The following DAB1 variants were observed in gnomAD, a reference collection of about 807,000 sequenced individuals.
DAB1 encodes the protein DAB adaptor protein 1.
Under a neutral mutation model 64.6 loss-of-function variants are expected in DAB1, and 15 were observed. The observed-to-expected ratio is 0.23, with a 90% confidence interval of 0.16 to 0.36. The LOEUF (loss-of-function observed/expected upper bound fraction) is 0.36, where lower values mean the gene tolerates loss of function less well. Among genes scored for constraint, DAB1 ranks in the 10% least tolerant of loss-of-function variants. DAB1 has a pLI of 1.00. For missense variants in DAB1, 596 were observed against 706.7 expected (o/e 0.84, Z 1.78); for synonymous variants, 235 against 251.9 (o/e 0.93, Z 0.64).
At chr1:58,470,084 G>A (rs186072393) in intron 3 of DAB1, among the ~76,000 whole-genome samples, 8 of 151,396 alleles carry the variant, frequency 5.3e-5, no homozygotes, top group Non-Finnish European at 1.0e-4. Context: ...TTTGAGGTTG[G>A]CAGCTACAAA....
In DAB1 at chr1:57,288,361, T is replaced by C. The variant is rs556980397; in HGVS notation, c.67+2603A>G. On this transcript the variant is annotated intron_variant, in intron 2 of 14. Transcript: ENST00000371236. ...AAGGAGATGTGGTGTGTTATGCATA[T>C]CTGTGTTTCACCAAAATCTATATGT... Among the ~76,000 whole-genome samples, 7 of 152,214 alleles carry C rather than the reference T, an allele frequency of 4.6e-5. No homozygotes were observed. The East Asian group carries it at 1.2e-3, about 25-fold the overall frequency.
chr1:57,576,867 T>C (rs1385755599), intron 7 of DAB1, among the ~76,000 whole-genome samples: 1 of 152,210 alleles, frequency 6.6e-6, no homozygotes, highest in Non-Finnish European at 1.5e-5. Context: ...GAGCAATATA[T>C]GCCCTCGGCC....
At chr1:57,173,620 A>T (rs1019698262) in intron 2 of DAB1, among the ~76,000 whole-genome samples, 2 of 152,218 alleles carry the variant, frequency 1.3e-5, no homozygotes, top group Non-Finnish European at 2.9e-5. Context: ...AGCTAGCACT[A>T]GAGAGCTTTC....
At chr1:57,428,572 C>A (rs1685376042), upstream of DAB1, among the ~76,000 whole-genome samples, 2 of 152,116 alleles carry the variant, frequency 1.3e-5, no homozygotes, top group South Asian at 4.1e-4. Flanking sequence ...TGTTGACAGT[C>A]ATTAGGGCGG....
At chr1:57,489,463 C>T (rs982547647) in intron 7 of DAB1, among the ~76,000 whole-genome samples, 2 of 152,186 alleles carry the variant, frequency 1.3e-5, no homozygotes, top group Non-Finnish European at 2.9e-5. Flanking sequence ...GTCTTTAAAA[C>T]TGTCTTCAAA....
intron 6 of DAB1, among the ~76,000 whole-genome samples, chr1:57,751,432 A>AG (rs1297140269): frequency 1.3e-5 from 2 of 151,916 alleles, no homozygotes; most frequent in Non-Finnish European, 2.9e-5. Context: ...CAGCAACTGG[A>AG]GGGGGATGCT....
At chr1:58,471,264 A>C (rs969191609) in intron 3 of DAB1, among the ~76,000 whole-genome samples, 4 of 152,184 alleles carry the variant, frequency 2.6e-5, no homozygotes, top group African/African-American at 9.7e-5. Context: ...GGCAGGGATA[A>C]AAGACATAGG....
At chr1:57,442,513 T>C (rs751891750) in intron 7 of DAB1, among the ~76,000 whole-genome samples, 13 of 152,212 alleles carry the variant, frequency 8.5e-5, no homozygotes, top group Non-Finnish European at 1.2e-4. Flanking sequence ...TGGTACTTAT[T>C]GTATTTGAGT....
At position 57,010,625 on chromosome 1, in the gene DAB1, A is replaced by G. The variant is rs192923126; in HGVS notation, c.*15+55T>C. On this transcript the variant is annotated intron_variant, in intron 14 of 14. Transcript: ENST00000371236. ...GTGGCTTCAGAAGTGAAGAACAACCAAAAGGGAAAGCAGATAGCTTAAGGG... is the reference window on the plus strand; with the variant it reads ...GTGGCTTCAGAAGTGAAGAACAACCGAAAGGGAAAGCAGATAGCTTAAGGG... 700 of 996,140 alleles carry G rather than the reference A, an allele frequency of 7.0e-4. 4 individuals are homozygous for G. The Admixed American group carries it at 0.012, about 17-fold the overall frequency. 61.7% of individuals were successfully genotyped at this position (996,140 alleles called of 1,614,324 possible).
intron 7 of DAB1, among the ~76,000 whole-genome samples, chr1:57,582,286 C>A (rs1247126300): frequency 6.6e-6 from 1 of 152,166 alleles, no homozygotes; most frequent in Non-Finnish European, 1.5e-5. Flanking sequence ...CAAGGCACAT[C>A]TTACAGAGTG....
chr1:57,931,108 C>A (rs979948075), intron 5 of DAB1, among the ~76,000 whole-genome samples: 1 of 152,068 alleles, frequency 6.6e-6, no homozygotes, highest in Non-Finnish European at 1.5e-5. Flanking sequence ...ATTAATATGA[C>A]CATGTAATTT....
intron 2 of DAB1, among the ~76,000 whole-genome samples, chr1:57,221,909 T>C (rs1277299296): frequency 1.3e-5 from 2 of 151,914 alleles, no homozygotes; most frequent in African/African-American, 4.8e-5. Flanking sequence ...TTTTGCTTTA[T>C]AGATTATTGT....
chr1:58,207,725 T>C (rs1658352274), intron 4 of DAB1, among the ~76,000 whole-genome samples: 1 of 152,198 alleles, frequency 6.6e-6, no homozygotes, highest in Admixed American at 6.5e-5. Flanking sequence ...ATAAGTGTTT[T>C]GATATAGGTA....
At position 57,854,980 on chromosome 1, in the gene DAB1, TTTTTC is replaced by T. The variant is rs1005260114; in HGVS notation, n.88-28530_88-28526del. Among the ~76,000 whole-genome samples, 5 of 152,308 alleles carry T rather than the reference TTTTTC, an allele frequency of 3.3e-5. No individual in the cohort carries two copies. In the South Asian group the frequency reaches 6.2e-4, roughly 19 times the overall value. ...GAAATGGTCACTAGGTTTTCCGTAG[TTTTTC>T]TTTTCTTTTCTTTTTAACTCACAGG... On this transcript the variant is annotated intron_variant and non_coding_transcript_variant, in intron 1 of 1. Coordinates refer to the DAB1 transcript ENST00000477280.
intron 1 of DAB1, among the ~76,000 whole-genome samples, chr1:57,314,514 G>A (rs1675018310): frequency 6.6e-6 from 1 of 152,060 alleles, no homozygotes; most frequent in Non-Finnish European, 1.5e-5. Context: ...GCCAATCCCT[G>A]CTTACATTAG....
chr1:57,715,587 A>C (rs1647074672), intron 6 of DAB1, among the ~76,000 whole-genome samples: 1 of 152,244 alleles, frequency 6.6e-6, no homozygotes, highest in Non-Finnish European at 1.5e-5. Flanking sequence ...TAAGTTTTGT[A>C]AAGTTGTAGG....
rs527826012 is a variant in DAB1 at position 57,324,699 on chromosome 1, C to A, written c.-136-33533G>T. 1.8e-3 allele frequency among the ~76,000 whole-genome samples: 269 copies of A among 152,222 alleles called. 3 individuals are homozygous for A. The highest frequency in any genetic ancestry group is 0.017 in the Middle Eastern group (5 of 294). ...TCCCTCCTGCCTCATCACTAGCAGCCCCCACCCCACATCCGCTTTCTTTCT... is the reference window on the plus strand; with the variant it reads ...TCCCTCCTGCCTCATCACTAGCAGCACCCACCCCACATCCGCTTTCTTTCT... On this transcript the variant is annotated intron_variant, in intron 1 of 14. Coordinates refer to ENST00000371236, the MANE Select transcript of DAB1 (RefSeq NM_001365792.1).
chr1:57,095,941 T>C (rs530631395), intron 4 of DAB1, among the ~76,000 whole-genome samples: 3 of 152,300 alleles, frequency 2.0e-5, no homozygotes, highest in South Asian at 4.1e-4. Flanking sequence ...AAAATAAATA[T>C]GGCAATGGTG....
At chr1:58,335,028 T>C (rs369730413) in intron 4 of DAB1, among the ~76,000 whole-genome samples, 3 of 152,212 alleles carry the variant, frequency 2.0e-5, no homozygotes, top group Admixed American at 6.5e-5. Flanking sequence ...CAAGTAAATA[T>C]ATAATGTAAG....
Sources: gnomAD v4.1 joint callset for allele counts (sites outside exome capture counted in the v4.1 genomes callset) on GRCh38, gnomAD v4.1.1 for gene constraint, MANE v1.5 for transcripts, NCBI Gene and HGNC (gene_info 2026-07-23, HGNC 2026-07-21) for gene names.